MYO3B: variants seen among roughly 807,000 people sequenced by gnomAD.
MYO3B encodes the protein myosin-IIIb.
In MYO3B, 156 loss-of-function variants were observed where a neutral mutation model predicts 174.6. That is an observed-to-expected ratio of 0.89 (90% CI 0.78 to 1.02). MYO3B has a LOEUF of 1.02. MYO3B is among the 50% of genes least tolerant of loss of function. The pLI is 0.00. For synonymous variants in MYO3B, 563 were observed against 569.1 expected (o/e 0.99, Z 0.15); for missense variants, 1,632 against 1,639.4 (o/e 1.00, Z 0.08).
At chr2:170,287,088 A>G (rs1243906252) in intron 7 of MYO3B, among the ~76,000 whole-genome samples, 1 of 152,270 alleles carries the variant, frequency 6.6e-6, no homozygotes, top group African/African-American at 2.4e-5. Context: ...ATAATATTCC[A>G]TTGTGTATGT....
At position 170,217,331 on chromosome 2, in the gene MYO3B, A is replaced by G; in HGVS notation, c.539A>G (p.Gln180Arg). ...TCTTTCCTTATAGGTGTTTCAGCTC[A>G]ACTCACCAGTACACGTCTGCGGAGA... ...VKLVDFGVSA[Q>R]LTSTRLRRNT... The change falls in exon 6 of 35, where the codon CAA becomes CGA. Residue 180 changes from glutamine (Q) to arginine (R), a missense_variant. Gln to Arg is a conservative substitution (Grantham distance 43, BLOSUM62 1). Transcript: ENST00000408978. The G allele has an allele frequency of 6.2e-7, 1 of 1,614,030 alleles. No homozygotes were observed. The highest frequency in any genetic ancestry group is 1.3e-5 in the African/African-American group (1 of 75,046).
chr2:170,397,103 G>T (rs189018817), intron 16 of MYO3B, among the ~76,000 whole-genome samples: 33 of 152,194 alleles, frequency 2.2e-4, no homozygotes, highest in African/African-American at 7.9e-4. Flanking sequence ...GTTCTCCTTA[G>T]CCACTCTTAA....
rs544448000 is a variant in MYO3B, at chr2:170,479,215, C to T, written c.3014+12504C>T. Among the ~76,000 whole-genome samples, 29 of 150,274 alleles carry T rather than the reference C, an allele frequency of 1.9e-4. 1 individual carries two copies. The South Asian group carries it at 2.7e-3, about 14-fold the overall frequency. Reference sequence around the variant, plus strand: ...AGGAGAATTGCTTGAACCCGGGAAGCGGAGGTTGCAGTGAGCCAAGATCAT... The same window carrying T: ...AGGAGAATTGCTTGAACCCGGGAAGTGGAGGTTGCAGTGAGCCAAGATCAT... On this transcript the variant is annotated intron_variant, in intron 25 of 34. Transcript: ENST00000408978.
At chr2:170,230,365 T>TTTTGA (rs1559318980) in intron 6 of MYO3B, among the ~76,000 whole-genome samples, 1 of 140,768 alleles carries the variant, frequency 7.1e-6, no homozygotes, top group African/African-American at 2.9e-5. Context: ...TTTTTTTTAG[T>TTTTGA]AGAGACGGGG....
chr2:170,262,307 G>A (rs761847859), intron 7 of MYO3B, among the ~76,000 whole-genome samples: 2 of 152,180 alleles, frequency 1.3e-5, no homozygotes, highest in Admixed American at 1.3e-4. Flanking sequence ...GTGAGAGACG[G>A]GGCTAGATGG....
intron 8 of MYO3B, among the ~76,000 whole-genome samples, chr2:170,357,483 G>A (rs1166685254): frequency 3.3e-5 from 5 of 151,356 alleles, no homozygotes; most frequent in Non-Finnish European, 5.9e-5. Context: ...CGCTAACAAA[G>A]TCTTTTATTT....
chr2:170,583,081 C>G (rs529280733), intron 32 of MYO3B, among the ~76,000 whole-genome samples: 20 of 151,188 alleles, frequency 1.3e-4, no homozygotes, highest in African/African-American at 3.6e-4. Context: ...GCACACCCCC[C>G]ACTGCAGCCC....
At chr2:170,179,967 A>C (rs1367066153) in intron 1 of MYO3B, among the ~76,000 whole-genome samples, 1 of 152,202 alleles carries the variant, frequency 6.6e-6, no homozygotes, top group Non-Finnish European at 1.5e-5. Flanking sequence ...CTAGATTTGA[A>C]AGCATTCTAT....
chr2:170,505,817 T>G (rs914252840), intron 28 of MYO3B, among the ~76,000 whole-genome samples: 1 of 152,224 alleles, frequency 6.6e-6, no homozygotes, highest in East Asian at 1.9e-4. Context: ...GGAGGAGTGG[T>G]CTTCCAGCAC....
At chr2:170,213,708 A>C (rs2092797379) in intron 3 of MYO3B, among the ~76,000 whole-genome samples, 1 of 152,254 alleles carries the variant, frequency 6.6e-6, no homozygotes, top group South Asian at 2.1e-4. Context: ...AAGAACAAAT[A>C]TGCAAAATAA....
chr2:170,515,079 G>C lies in MYO3B; in HGVS notation c.3472+57G>C, dbSNP rs924201583. ...CTAAATTCAGGGGCATTCCGGAGAA[G>C]GTTCCAAAGCTGGAAGTGATCACCT... On this transcript the variant is annotated intron_variant, in intron 29 of 34. Transcript: ENST00000408978. 4 of 1,487,718 alleles carry C rather than the reference G, an allele frequency of 2.7e-6. No individual in the cohort carries two copies. In the African/African-American group the frequency reaches 5.5e-5, roughly 21 times the overall value. The allele number at this position is 1,487,718 out of a possible 1,614,324, so 92.2% of individuals were successfully genotyped here.
intron 9 of MYO3B, among the ~76,000 whole-genome samples, chr2:170,375,534 T>G (rs1459123373): frequency 4.0e-5 from 6 of 151,838 alleles, no homozygotes; most frequent in African/African-American, 1.5e-4. Context: ...CTGCTCTGTT[T>G]AATGGGTTGT....
chr2:170,519,564 C>T lies in MYO3B; in HGVS notation c.3575+24C>T, dbSNP rs772777233. 1.9e-6 allele frequency: 3 copies of T among 1,579,310 alleles called. No homozygotes were observed. In the South Asian group the frequency reaches 3.3e-5, roughly 18 times the overall value. ...GGGTGAGCATTATCTGCTAAGAGTT[C>T]CCTGTTGTAAACTCAGGTGCTCCAT... On this transcript the variant is annotated intron_variant, in intron 30 of 34. Transcript: ENST00000408978.
At chr2:170,606,453 A>G (rs1345959739) in intron 32 of MYO3B, among the ~76,000 whole-genome samples, 1 of 152,102 alleles carries the variant, frequency 6.6e-6, no homozygotes, top group Non-Finnish European at 1.5e-5. Flanking sequence ...GCCATCATCC[A>G]CCACCATATC....
chr2:170,621,635 G>A (rs1339784681), intron 32 of MYO3B, among the ~76,000 whole-genome samples: 1 of 151,218 alleles, frequency 6.6e-6, no homozygotes, highest in Non-Finnish European at 1.5e-5. Context: ...TCAGCCTCCC[G>A]GGTAGTTGGG....
Position 170,653,229 on chromosome 2 carries a change from A to G in MYO3B, c.*108A>G, listed in dbSNP as rs1699121501. On this transcript the variant is annotated 3_prime_UTR_variant, in exon 35 of 35. Coordinates refer to ENST00000408978, the MANE Select transcript of MYO3B (RefSeq NM_138995.5). ...ATATGGGGTCAGCTTCTTTGGACAT[A>G]TGGTCCATGCCTGAACCTTACTGAA... is the stretch of plus-strand genomic sequence containing the variant. The G allele has an allele frequency of 1.5e-6, 2 of 1,366,316 alleles. No homozygotes were observed. Among genetic ancestry groups the G allele is most frequent in the Admixed American group, 1.8e-5 (1 of 55,898 alleles). 84.6% of individuals were successfully genotyped at this position (1,366,316 alleles called of 1,614,324 possible).
chr2:170,351,304 C>T (rs1174907467), intron 8 of MYO3B, among the ~76,000 whole-genome samples: 1 of 152,040 alleles, frequency 6.6e-6, no homozygotes. Flanking sequence ...TGATAAAAAG[C>T]GTCTGGGAAA....
chr2:170,401,440 G>T, intron 17 of MYO3B, 41 bp from the exon 18 acceptor site: 1 of 1,569,180 alleles, frequency 6.4e-7, no homozygotes. Context: ...ACTGAATGAA[G>T]GTCTGGCTAC....
intron 1 of MYO3B, among the ~76,000 whole-genome samples, chr2:170,188,305 A>AT (rs199809382): frequency 2.6e-5 from 4 of 151,890 alleles, no homozygotes; most frequent in Non-Finnish European, 4.4e-5. Context: ...TGCATAGAAT[A>AT]TTTTTTTTCC....
Sources: allele counts gnomAD v4.1 joint callset (sites outside exome capture counted in the v4.1 genomes callset), GRCh38; gene constraint gnomAD v4.1.1; transcripts MANE v1.5; gene names NCBI Gene and HGNC (gene_info 2026-07-23, HGNC 2026-07-21).